The following GCH1 variants were observed in gnomAD, a reference collection of about 807,000 sequenced individuals.
GCH1 encodes GTP cyclohydrolase I.
GCH1 carries 5 observed loss-of-function variants against 25.9 expected under a neutral mutation model. The observed-to-expected ratio is 0.19, with a 90% CI of 0.10 to 0.41. GCH1 has a LOEUF of 0.41. GCH1 is among the 10% of genes least tolerant of loss of function. The pLI is 1.00. For synonymous variants in GCH1, 159 were observed against 129.6 expected (o/e 1.23, Z -1.54); for missense variants, 261 against 336.5 (o/e 0.78, Z 1.75).
chr14:54,881,733 A>G (rs1428579912), intron 1 of GCH1, among the ~76,000 whole-genome samples: 1 of 152,200 alleles, frequency 6.6e-6, no homozygotes, highest in Non-Finnish European at 1.5e-5. Flanking sequence ...AGCAGGAAAG[A>G]CCTAATGTAT....
At chr14:54,865,030 C>T (rs1401441803) in intron 2 of GCH1, among the ~76,000 whole-genome samples, 1 of 89,122 alleles carries the variant, frequency 1.1e-5, no homozygotes, top group Admixed American at 1.2e-4. Context: ...TTTTCAGAGC[C>T]TGTAGTAGCT....
At chr14:54,885,552 GC>G in intron 1 of GCH1, 1 of 377,260 alleles carries the variant, frequency 2.7e-6, no homozygotes. Flanking sequence ...TCTGCCCCCA[GC>G]AAGGTGAGGG....
intron 5 of GCH1, among the ~76,000 whole-genome samples, chr14:54,845,335 G>A (rs1196218662): frequency 1.4e-4 from 21 of 150,996 alleles, no homozygotes; most frequent in Admixed American, 6.0e-4. Context: ...AAAATTAGCC[G>A]GGCATGGTGA....
At chr14:54,858,054 G>A (rs1220738066) in intron 3 of GCH1, among the ~76,000 whole-genome samples, 1 of 152,146 alleles carries the variant, frequency 6.6e-6, no homozygotes. Context: ...TTGATCCCCA[G>A]AGGAAATGAA....
At position 54,843,961 on chromosome 14, in the gene GCH1, C is replaced by G; in HGVS notation, c.*56G>C. On this transcript the variant is annotated 3_prime_UTR_variant, in exon 6 of 6. Transcript: ENST00000491895. ...GAATGTACAAACAAGACCGGACAGA[C>G]AGACAATGCTACTGGCAGTACGATC... 1 of 1,614,016 alleles carries G rather than the reference C, an allele frequency of 6.2e-7. No individual in the cohort carries two copies. Among genetic ancestry groups the G allele is most frequent in the East Asian group, 2.2e-5 (1 of 44,878 alleles).
At chr14:54,879,420 CAAAAAAAA>C (rs34163543) in intron 1 of GCH1, among the ~76,000 whole-genome samples, 63 of 59,900 alleles carry the variant, frequency 1.1e-3, no homozygotes, top group Middle Eastern at 0.013. Flanking sequence ...GTCCCTGTCT[CAAAAAAAA>C]AAAAAAAAAA....
intron 1 of GCH1, among the ~76,000 whole-genome samples, chr14:54,884,254 T>C (rs1595012284): frequency 1.3e-5 from 2 of 151,966 alleles, no homozygotes; most frequent in South Asian, 2.1e-4. Flanking sequence ...AACAATATGA[T>C]TGTATTGAAG....
intron 1 of GCH1, among the ~76,000 whole-genome samples, chr14:54,894,843 A>G (rs2040464943): frequency 1.3e-5 from 2 of 152,212 alleles, no homozygotes; most frequent in Non-Finnish European, 2.9e-5. Context: ...ACCAAGCACA[A>G]AAATTATTAA....
intron 1 of GCH1, among the ~76,000 whole-genome samples, chr14:54,883,546 G>A (rs1297264236): frequency 1.3e-5 from 2 of 152,170 alleles, no homozygotes; most frequent in African/African-American, 2.4e-5. Flanking sequence ...GGGCGTGGTG[G>A]CAGGCGCCTG....
chr14:54,848,829 T>C (rs952177668), intron 3 of GCH1, among the ~76,000 whole-genome samples: 4 of 152,224 alleles, frequency 2.6e-5, no homozygotes, highest in African/African-American at 9.6e-5. Context: ...AACAAAACCT[T>C]AGAAAGGAAT....
chr14:54,852,316 A>G (rs1317463945), intron 3 of GCH1, among the ~76,000 whole-genome samples: 1 of 152,146 alleles, frequency 6.6e-6, no homozygotes, highest in Non-Finnish European at 1.5e-5. Flanking sequence ...TGATACATAC[A>G]TTTAAGAAAG....
At position 54,844,026 on chromosome 14, in the gene GCH1, A is replaced by G; in HGVS notation, c.744T>C (p.Ile248=). 1.9e-6 allele frequency: 3 copies of G among 1,614,078 alleles called. No individual in the cohort carries two copies. Among genetic ancestry groups the G allele is most frequent in the Non-Finnish European group, 2.5e-6 (3 of 1,179,918 alleles). ...ACACACTGAATGAAGCTCAGCTCCT[A>G]ATGAGAGTCAGGAACTCTTCCCGAG... is the stretch of plus-strand genomic sequence containing the variant. The part of the protein sequence containing the change: ...PKTREEFLTL[I]RS The change falls in exon 6 of 6, where the codon ATT becomes ATC. Residue 248 remains isoleucine, a synonymous_variant. Transcript: ENST00000491895.
intron 1 of GCH1, among the ~76,000 whole-genome samples, chr14:54,889,836 C>T (rs2140111875): frequency 6.6e-6 from 1 of 152,244 alleles, no homozygotes; most frequent in African/African-American, 2.4e-5. Flanking sequence ...GTGCACTAAA[C>T]TATGCACTAA....
chr14:54,897,536 G>A (rs529964919), intron 1 of GCH1, among the ~76,000 whole-genome samples: 2 of 149,114 alleles, frequency 1.3e-5, no homozygotes, highest in East Asian at 2.0e-4. Context: ...TGATCCACCC[G>A]CCTCGGCCTC....
intron 1 of GCH1, among the ~76,000 whole-genome samples, chr14:54,895,027 A>C (rs957059169): frequency 2.0e-5 from 3 of 152,232 alleles, no homozygotes; most frequent in African/African-American, 7.2e-5. Context: ...AGAAGTTGTT[A>C]AAATTCTTAG....
At chr14:54,863,805 G>C (rs968691676) in intron 2 of GCH1, among the ~76,000 whole-genome samples, 1 of 152,168 alleles carries the variant, frequency 6.6e-6, no homozygotes, top group Non-Finnish European at 1.5e-5. Flanking sequence ...AATGAGGTGA[G>C]CTTCCAGGAT....
intron 2 of GCH1, among the ~76,000 whole-genome samples, chr14:54,861,306 G>A (rs189961793): frequency 6.6e-6 from 1 of 152,154 alleles, no homozygotes; most frequent in Non-Finnish European, 1.5e-5. Flanking sequence ...AAATTAGAGA[G>A]TTAAAACTTT....
chr14:54,870,867 G>A (rs1018778264), intron 1 of GCH1, among the ~76,000 whole-genome samples: 2 of 152,202 alleles, frequency 1.3e-5, no homozygotes, highest in South Asian at 2.1e-4. Context: ...GAACTGGGTG[G>A]AGCCCACCGC....
intron 1 of GCH1, among the ~76,000 whole-genome samples, chr14:54,872,294 T>C (rs903475833): frequency 7.2e-4 from 109 of 152,092 alleles, no homozygotes; most frequent in Non-Finnish European, 1.0e-4. Context: ...GACAAGCAAA[T>C]GCTGAGAGAT....
Sources: allele counts gnomAD v4.1 joint callset (sites outside exome capture counted in the v4.1 genomes callset), GRCh38; gene constraint gnomAD v4.1.1; transcripts MANE v1.5; gene names NCBI Gene and HGNC (gene_info 2026-07-23, HGNC 2026-07-21).